CARS1: variants seen among roughly 807,000 people sequenced by gnomAD.
CARS1 encodes the protein cysteine--tRNA ligase, cytoplasmic.
A neutral mutation model predicts 106.2 loss-of-function variants in CARS1; 48 were observed. The observed-to-expected ratio is 0.45, with a 90% CI of 0.36 to 0.57. The LOEUF (loss-of-function observed/expected upper bound fraction) is 0.57, where lower values mean the gene tolerates loss of function less well. CARS1 is among the 20% of genes least tolerant of loss of function. The pLI, the probability that CARS1 is intolerant of heterozygous loss-of-function variation, is 0.00. For missense variants in CARS1, 968 were observed against 1,057.2 expected (o/e 0.92, Z 1.17); for synonymous variants, 409 against 403.4 (o/e 1.01, Z -0.17).
intron 7 of CARS1, among the ~76,000 whole-genome samples, chr11:3,032,010 C>T (rs1193698155): frequency 1.6e-4 from 1 of 6,328 alleles, no homozygotes. Flanking sequence ...CTCCCTCCCT[C>T]CCTCCCTCCC....
intron 7 of CARS1, among the ~76,000 whole-genome samples, chr11:3,036,606 C>T (rs1465376100): frequency 2.0e-5 from 3 of 152,172 alleles, no homozygotes; most frequent in Admixed American, 2.0e-4. Flanking sequence ...ACTGCAGAAA[C>T]AATACGGTGG....
chr11:3,051,992 C>T (rs886609902), intron 1 of CARS1, among the ~76,000 whole-genome samples: 10 of 152,204 alleles, frequency 6.6e-5, no homozygotes, highest in African/African-American at 2.2e-4. Flanking sequence ...AGCAACAGCC[C>T]GAACACTGAC....
At position 3,041,204 on chromosome 11, in the gene CARS1, C is replaced by A; in HGVS notation, c.367-220G>T. 1.8e-6 allele frequency: 1 copy of A among 552,184 alleles called. No homozygotes were observed. The highest frequency in any genetic ancestry group is 3.2e-6 in the Non-Finnish European group (1 of 316,988). 34.2% of individuals were successfully genotyped at this position (552,184 alleles called of 1,614,324 possible). On this transcript the variant is annotated intron_variant, in intron 3 of 22. Transcript: ENST00000380525. The surrounding 1 kb of genome is among the most constrained non-coding windows in gnomAD (Gnocchi z 4.9). ...GAGCCCTGGGTGGGTGGGGCCTCTT[C>A]CTCCCTGGGGTTCTACTCATCTATG...
chr11:3,012,884 CTTTTTTTTT>C (rs768906268), intron 17 of CARS1, among the ~76,000 whole-genome samples: 9 of 116,930 alleles, frequency 7.7e-5, no homozygotes, highest in Non-Finnish European at 1.2e-4. Context: ...CTATATTTCC[CTTTTTTTTT>C]TTTTTTTTTT....
At chr11:3,023,897 CTTTT>C (rs894755915) in intron 10 of CARS1, among the ~76,000 whole-genome samples, 1 of 151,242 alleles carries the variant, frequency 6.6e-6, no homozygotes, top group Non-Finnish European at 1.5e-5. Context: ...CACTTATTTC[CTTTT>C]TTTTTGTTTG....
rs1429630371 is a variant in CARS1, at chr11:3,044,239, G to A, written c.275-1983C>T. ...TGAGGAAACGGCCCAGGGTTCACAGGACTGAAAGCTTGTCCAAGAAGCCTG... is the reference window on the plus strand; with the variant it reads ...TGAGGAAACGGCCCAGGGTTCACAGAACTGAAAGCTTGTCCAAGAAGCCTG... On this transcript the variant is annotated intron_variant, in intron 2 of 22. Coordinates refer to ENST00000380525, the MANE Select transcript of CARS1 (RefSeq NM_001014437.3). This position sits in a 1 kb window ranked among gnomAD's most constrained non-coding sequence, Gnocchi z 4.4. Among the ~76,000 whole-genome samples, 3 of 152,158 alleles carry A rather than the reference G, an allele frequency of 2.0e-5. No homozygotes were observed. Among genetic ancestry groups the A allele is most frequent in the Non-Finnish European group, 4.4e-5 (3 of 68,026 alleles).
chr11:3,052,203 C>T lies in CARS1; in HGVS notation c.26-4202G>A, dbSNP rs1468356057. ...CGCTGTGTATCCGCTCTCTGGAGAC[C>T]TGAGGGGCGGCCCCGACGCCCTCCA... is the stretch of plus-strand genomic sequence containing the variant. On this transcript the variant is annotated intron_variant, in intron 1 of 22. Coordinates refer to ENST00000380525, the MANE Select transcript of CARS1 (RefSeq NM_001014437.3). The surrounding 1 kb of genome is among the most constrained non-coding windows in gnomAD (Gnocchi z 4.6). Among the ~76,000 whole-genome samples, 1 of 152,250 alleles carries T rather than the reference C, an allele frequency of 6.6e-6. No homozygotes were observed. The highest frequency in any genetic ancestry group is 1.5e-5 in the Non-Finnish European group (1 of 68,042).
At chr11:3,032,056 CTCCCTCCTTCCTTCCTTCCTTCCT>C (rs1565075122) in intron 7 of CARS1, among the ~76,000 whole-genome samples, 10 of 11,546 alleles carry the variant, frequency 8.7e-4, no homozygotes, top group African/African-American at 2.6e-3. Context: ...CCCTCCCTCC[CTCCCTCCTTCCTTCCTTCCTTCCT>C]TCCTTCCTTC....
rs751273929 is a variant in CARS1, at chr11:3,017,218, C to T, written c.1805G>A (p.Arg602Gln). 9 of 1,614,152 alleles carry T rather than the reference C, an allele frequency of 5.6e-6. No homozygotes were observed. The highest frequency in any genetic ancestry group is 2.7e-5 in the African/African-American group (2 of 75,044). The change falls in exon 16 of 23, where the codon CGG becomes CAG. Residue 602 changes from arginine to glutamine, a missense_variant. Arg to Gln is a conservative substitution (Grantham distance 43). Coordinates refer to ENST00000380525, the MANE Select transcript of CARS1 (RefSeq NM_001014437.3). The surrounding 1 kb of genome is among the most constrained non-coding windows in gnomAD (Gnocchi z 4.9). ...GAGGTTGCACTGACTGACCAAGGCCCGCATCTCTTCCATGACGGTGCGGGT... is the reference window on the plus strand; with the variant it reads ...GAGGTTGCACTGACTGACCAAGGCCTGCATCTCTTCCATGACGGTGCGGGT... ...VDTRTVMEEM[R>Q]ALVSQCNLYM...
chr11:3,015,944 G>T, intron 16 of CARS1, 95 bp from the exon 17 acceptor site: 1 of 1,033,852 alleles, frequency 9.7e-7, no homozygotes, highest in Non-Finnish European at 1.5e-6. Context: ...CACGGGAGGG[G>T]GTGCCCCAAG....
chr11:3,025,870 A>T (rs1438252418), intron 10 of CARS1, among the ~76,000 whole-genome samples: 2 of 152,206 alleles, frequency 1.3e-5, no homozygotes, highest in African/African-American at 4.8e-5. Context: ...CTCGGCACAC[A>T]TCCCAGCACC....
intron 16 of CARS1, among the ~76,000 whole-genome samples, chr11:3,016,162 G>C (rs1217755134): frequency 6.6e-6 from 1 of 152,148 alleles, no homozygotes; most frequent in Non-Finnish European, 1.5e-5. Context: ...GGTGCACTGC[G>C]GGGAAGGGCT....
Position 3,029,182 on chromosome 11 carries a change from C to A in CARS1, c.943-98G>T. Reference sequence around the variant, plus strand: ...TCATAAAACGAAAAGCCCATTATGCCCCTCAACTCAAGTTCAATGTTGACT... The same window carrying A: ...TCATAAAACGAAAAGCCCATTATGCACCTCAACTCAAGTTCAATGTTGACT... On this transcript the variant is annotated intron_variant, in intron 8 of 22. Coordinates refer to ENST00000380525, the MANE Select transcript of CARS1 (RefSeq NM_001014437.3). This position sits in a 1 kb window ranked among gnomAD's most constrained non-coding sequence, Gnocchi z 5.9. The A allele has an allele frequency of 7.0e-7, 1 of 1,424,848 alleles. No individual in the cohort carries two copies. The highest frequency in any genetic ancestry group is 9.9e-7 in the Non-Finnish European group (1 of 1,012,106). 88.3% of individuals were successfully genotyped at this position (1,424,848 alleles called of 1,614,324 possible). A position where few individuals can be genotyped will look rare whatever the true frequency, so the allele number is the denominator to read the frequency against.
chr11:3,040,186 T>G lies in CARS1; in HGVS notation c.456-255A>C, dbSNP rs1466345238. ...TCCCTTATGATTTTCTTCATAATAT[T>G]TTCTTTTCTCTGGCTTCCTTTATCA... On this transcript the variant is annotated intron_variant, in intron 4 of 22. Transcript: ENST00000380525. This position sits in a 1 kb window ranked among gnomAD's most constrained non-coding sequence, Gnocchi z 5.8. The G allele has an allele frequency of 2.4e-6, 1 of 421,766 alleles. No homozygotes were observed. Among genetic ancestry groups the G allele is most frequent in the African/African-American group, 2.0e-5 (1 of 48,866 alleles). 26.1% of individuals were successfully genotyped at this position (421,766 alleles called of 1,614,324 possible).
rs1186105541 is a variant in CARS1 at position 3,044,152 on chromosome 11, G to C, written c.275-1896C>G. 5.3e-5 allele frequency among the ~76,000 whole-genome samples: 8 copies of C among 152,158 alleles called. No individual in the cohort carries two copies. ...TAGGACACTGCTGCCATCTCAGACAGCTGGAGACGCTGCCCAGAAACACAG... is the reference window on the plus strand; with the variant it reads ...TAGGACACTGCTGCCATCTCAGACACCTGGAGACGCTGCCCAGAAACACAG... On this transcript the variant is annotated intron_variant, in intron 2 of 22. Coordinates refer to ENST00000380525, the MANE Select transcript of CARS1 (RefSeq NM_001014437.3). The surrounding 1 kb of genome is among the most constrained non-coding windows in gnomAD (Gnocchi z 4.4).
At chr11:3,005,534 C>T in intron 19 of CARS1, 101 bp from the exon 20 acceptor site, 1 of 836,738 alleles carries the variant, frequency 1.2e-6, no homozygotes, top group East Asian at 2.6e-5. Flanking sequence ...CCATGCGGTG[C>T]TGCCCAGTCA....
intron 7 of CARS1, among the ~76,000 whole-genome samples, chr11:3,035,819 T>C (rs1044368047): frequency 3.3e-5 from 5 of 152,128 alleles, no homozygotes; most frequent in African/African-American, 1.2e-4. Flanking sequence ...ACTATGAAGA[T>C]AAAAGTGAGC....
chr11:3,014,753 A>C (rs115996492), intron 17 of CARS1, among the ~76,000 whole-genome samples: 1,729 of 152,358 alleles, frequency 0.011, 29 homozygotes, highest in African/African-American at 0.039. Flanking sequence ...GGCAAAAGGC[A>C]CCAGGCACAT....
At position 3,051,449 on chromosome 11, in the gene CARS1, G is replaced by A. The variant is rs142210697; in HGVS notation, c.26-3448C>T. Among the ~76,000 whole-genome samples, 464 of 152,322 alleles carry A rather than the reference G, an allele frequency of 3.0e-3. 12 individuals carry two copies. In the East Asian group the frequency reaches 0.06, roughly 20 times the overall value. ...GCGCTCTCCTCCCAGCTGGAGATGA[G>A]ATCAGGGAGGACGGAGGCGGAGGCA... On this transcript the variant is annotated intron_variant, in intron 1 of 22. Transcript: ENST00000380525.
Sources: allele counts gnomAD v4.1 joint callset (sites outside exome capture counted in the v4.1 genomes callset), GRCh38; gene constraint gnomAD v4.1.1; non-coding constraint Gnocchi (gnomAD v3.1); transcripts MANE v1.5; gene names NCBI Gene and HGNC (gene_info 2026-07-23, HGNC 2026-07-21).